The following KAT2B variants were observed in gnomAD, a reference collection of about 807,000 sequenced individuals.
KAT2B encodes the protein lysine acetyltransferase 2B.
KAT2B carries 36 observed loss-of-function variants against 105.9 expected under a neutral mutation model. The observed-to-expected ratio is 0.34, with a 90% confidence interval of 0.26 to 0.45. KAT2B has a LOEUF of 0.45. Among genes scored for constraint, KAT2B ranks in the 20% least tolerant of loss-of-function variants. The pLI is 1.00. For synonymous variants in KAT2B, 397 were observed against 377.9 expected, an observed-to-expected ratio of 1.05 and a Z score of -0.59; for missense variants, 820 against 1,021.6, an observed-to-expected ratio of 0.80 and a Z score of 2.69.
At chr3:20,053,314 T>C (rs1036802632) in intron 1 of KAT2B, among the ~76,000 whole-genome samples, 46 of 152,102 alleles carry the variant, frequency 3.0e-4, no homozygotes, top group Admixed American at 2.9e-3. Context: ...GGTGGGCAGA[T>C]TGCTTGAGCT....
chr3:20,125,898 A>G lies in KAT2B; in HGVS notation c.1414-7A>G. The G allele has an allele frequency of 6.2e-7, 1 of 1,612,896 alleles. No homozygotes were observed. The highest frequency in any genetic ancestry group is 8.5e-7 in the Non-Finnish European group (1 of 1,179,694). On this transcript the variant is annotated splice_polypyrimidine_tract_variant and splice_region_variant and intron_variant, in intron 9 of 17. Coordinates refer to ENST00000263754, the MANE Select transcript of KAT2B (RefSeq NM_003884.5). ...TGTGTAATTTTTTCCTGTCTCTTGC[A>G]TCTCAGACCAATTTTCTGTCAGCAC...
At position 20,096,465 on chromosome 3, in the gene KAT2B, TA is replaced by T. The variant is rs201895705; in HGVS notation, c.576+1066del. Among the ~76,000 whole-genome samples, 995 of 151,336 alleles carry T rather than the reference TA, an allele frequency of 6.6e-3. 10 individuals carry two copies. The highest frequency in any genetic ancestry group is 0.022 in the African/African-American group (915 of 41,314). On this transcript the variant is annotated intron_variant, in intron 3 of 17. Coordinates refer to ENST00000263754, the MANE Select transcript of KAT2B (RefSeq NM_003884.5). ...AGGAGGCTGCCAGAAGGAATAACCT[TA>T]AAAAAAAATAAACCTGCTACTGAGG... is the stretch of plus-strand genomic sequence containing the variant.
At chr3:20,111,518 G>A (rs767040126) in intron 5 of KAT2B, 78 bp from the exon 6 acceptor site, 9 of 1,174,436 alleles carry the variant, frequency 7.7e-6, no homozygotes, top group African/African-American at 1.6e-5. Flanking sequence ...TTAATAGTAC[G>A]AGATAAACAT....
At chr3:20,072,134 A>G (rs918457612) in intron 1 of KAT2B, among the ~76,000 whole-genome samples, 199 bp from the exon 2 acceptor site, 3 of 152,220 alleles carry the variant, frequency 2.0e-5, no homozygotes, top group African/African-American at 7.2e-5. Context: ...AGCAGACAAC[A>G]AAAGAAAACA....
At position 20,126,678 on chromosome 3, in the gene KAT2B, C is replaced by T. The variant is rs1699410164; in HGVS notation, c.1622+565C>T. ...TCTCTACTAAAAATACAAAATTAGC[C>T]AGGCCTGGTGACACATGCCTGTAAT... On this transcript the variant is annotated intron_variant, in intron 10 of 17. Coordinates refer to ENST00000263754, the MANE Select transcript of KAT2B (RefSeq NM_003884.5). Among the ~76,000 whole-genome samples, 3 of 151,978 alleles carry T rather than the reference C, an allele frequency of 2.0e-5. No homozygotes were observed. In the South Asian group the frequency reaches 6.2e-4, roughly 32 times the overall value.
chr3:20,116,722 T>G (rs564644357), intron 7 of KAT2B, among the ~76,000 whole-genome samples: 1 of 152,284 alleles, frequency 6.6e-6, no homozygotes, highest in African/African-American at 2.4e-5. Context: ...TATTAAGTGC[T>G]CAGCTAAGAT....
chr3:20,093,930 T>G (rs1698765677), intron 2 of KAT2B, among the ~76,000 whole-genome samples: 2 of 152,144 alleles, frequency 1.3e-5, no homozygotes. Flanking sequence ...GGATCCTTTT[T>G]CAAGTGAAAA....
intron 1 of KAT2B, 107 bp from the exon 2 acceptor site, chr3:20,072,226 G>T (rs751578887): frequency 1.7e-6 from 2 of 1,161,538 alleles, no homozygotes; most frequent in African/African-American, 1.5e-5. Context: ...AAAGTCAGGG[G>T]TGAGGGGATA....
intron 11 of KAT2B, among the ~76,000 whole-genome samples, chr3:20,131,148 T>C (rs1303540558): frequency 6.6e-6 from 1 of 151,596 alleles, no homozygotes; most frequent in African/African-American, 2.4e-5. Context: ...CCCGAGTAGC[T>C]GGGATTACAG....
intron 6 of KAT2B, among the ~76,000 whole-genome samples, chr3:20,113,357 A>G (rs761538578): frequency 6.6e-6 from 1 of 152,170 alleles, no homozygotes; most frequent in Non-Finnish European, 1.5e-5. Flanking sequence ...TCCCTTCCCA[A>G]CACCTGTTAT....
intron 17 of KAT2B, 65 bp from the exon 18 acceptor site, chr3:20,152,266 TC>T: frequency 9.2e-7 from 1 of 1,091,134 alleles, no homozygotes; most frequent in South Asian, 1.5e-5. Context: ...CCTTTCCCAG[TC>T]CCAGTTTTGT....
chr3:20,125,052 G>T (rs907531909), intron 9 of KAT2B, among the ~76,000 whole-genome samples: 1 of 152,138 alleles, frequency 6.6e-6, no homozygotes, highest in Non-Finnish European at 1.5e-5. Context: ...GGCCGGGCGC[G>T]GTGGCTCAGC....
chr3:20,064,742 G>A (rs1487258563), intron 1 of KAT2B, among the ~76,000 whole-genome samples: 1 of 152,180 alleles, frequency 6.6e-6, no homozygotes, highest in African/African-American at 2.4e-5. Flanking sequence ...AAGAGTACAT[G>A]TACATTTTTA....
chr3:20,090,016 A>G (rs990749447), intron 2 of KAT2B, among the ~76,000 whole-genome samples: 7 of 152,208 alleles, frequency 4.6e-5, no homozygotes, highest in Admixed American at 1.3e-4. Context: ...AACAAGAAAA[A>G]AAAAAACGAA....
At chr3:20,129,444 G>A (rs1288484727) in intron 11 of KAT2B, among the ~76,000 whole-genome samples, 2 of 145,820 alleles carry the variant, frequency 1.4e-5, no homozygotes, top group African/African-American at 5.1e-5. Flanking sequence ...GTGTGATCTT[G>A]GCTCACTGCA....
At chr3:20,123,629 AG>A (rs1189631880) in intron 9 of KAT2B, among the ~76,000 whole-genome samples, 1 of 152,198 alleles carries the variant, frequency 6.6e-6, no homozygotes, top group Non-Finnish European at 1.5e-5. Context: ...AGATGATGTC[AG>A]TTATAACCTT....
chr3:20,083,379 A>G (rs765335654), intron 2 of KAT2B, among the ~76,000 whole-genome samples: 1 of 152,202 alleles, frequency 6.6e-6, no homozygotes, highest in Non-Finnish European at 1.5e-5. Context: ...GGTTAAGAGA[A>G]GGGTTTCTTT....
chr3:20,110,269 T>C (rs1403013829), intron 5 of KAT2B, among the ~76,000 whole-genome samples: 1 of 152,170 alleles, frequency 6.6e-6, no homozygotes, highest in Non-Finnish European at 1.5e-5. Context: ...TGTGGAATAA[T>C]GCTTTTTGAC....
intron 2 of KAT2B, among the ~76,000 whole-genome samples, chr3:20,086,182 G>A (rs1698611631): frequency 6.6e-6 from 1 of 152,142 alleles, no homozygotes; most frequent in South Asian, 2.1e-4. Context: ...TGAGGTGGGA[G>A]GATTACCTGA....
Sources: allele counts gnomAD v4.1 joint callset (sites outside exome capture counted in the v4.1 genomes callset), GRCh38; gene constraint gnomAD v4.1.1; transcripts MANE v1.5; gene names NCBI Gene and HGNC (gene_info 2026-07-23, HGNC 2026-07-21).